KCTD16: variants seen among roughly 807,000 people sequenced by gnomAD.
KCTD16 encodes BTB/POZ domain-containing protein KCTD16.
In KCTD16, 13 loss-of-function variants were observed where a neutral mutation model predicts 33.2. The observed-to-expected ratio is 0.39, with a 90% CI of 0.25 to 0.62. The LOEUF (loss-of-function observed/expected upper bound fraction) is 0.62. KCTD16 is among the 20% of genes least tolerant of loss of function. The probability of loss-of-function intolerance (pLI) is 0.50; values close to 1 mark genes in which losing one functional copy is unlikely to be tolerated. For missense variants in KCTD16, 441 were observed against 525.1 expected, an observed-to-expected ratio of 0.84 and a Z score of 1.57; for synonymous variants, 197 against 195.3, an observed-to-expected ratio of 1.01 and a Z score of -0.07.
rs1013368305 is a variant in KCTD16, at chr5:144,444,855, A to ATG, written c.833-28796_833-28795dup. ...TTCAAAATGTAATATATATATATATATGTGTGTGTGCATGTATATATAAAT... is the reference window on the plus strand; with the variant it reads ...TTCAAAATGTAATATATATATATATATGTGTGTGTGTGCATGTATATATAAAT... On this transcript the variant is annotated intron_variant, in intron 3 of 3. Coordinates refer to ENST00000512467, the MANE Select transcript of KCTD16 (RefSeq NM_020768.4). Among the ~76,000 whole-genome samples the ATG allele has an allele frequency of 3.5e-4, 52 of 149,978 alleles. 1 individual carries two copies. Among genetic ancestry groups the ATG allele is most frequent in the Middle Eastern group, 7.1e-3 (2 of 282 alleles).
At chr5:144,374,611 G>A (rs1752044193) in intron 3 of KCTD16, among the ~76,000 whole-genome samples, 1 of 152,152 alleles carries the variant, frequency 6.6e-6, no homozygotes, top group African/African-American at 2.4e-5. Flanking sequence ...ATTACTAATA[G>A]AGGTAGTGTT....
chr5:144,261,167 C>CAAAAAA (rs1299878040), intron 3 of KCTD16, among the ~76,000 whole-genome samples: 363 of 77,600 alleles, frequency 4.7e-3, no homozygotes, highest in Non-Finnish European at 6.0e-3. Context: ...GGAACAACAA[C>CAAAAAA]AAAAAAAAAA....
intron 3 of KCTD16, among the ~76,000 whole-genome samples, chr5:144,310,178 C>T (rs896521436): frequency 6.6e-6 from 1 of 152,106 alleles, no homozygotes; most frequent in African/African-American, 2.4e-5. Flanking sequence ...TGGCTTATTT[C>T]ACTTAACATA....
rs1425472849 is a variant in KCTD16, at chr5:144,324,925, G to A, written c.832+117379G>A. ...GGAACAACACACACTGGGACCTGTG[G>A]CAGGGGTGAAGGGAGGGAGAGCATC... On this transcript the variant is annotated intron_variant, in intron 3 of 3. Coordinates refer to ENST00000512467, the MANE Select transcript of KCTD16 (RefSeq NM_020768.4). 3.3e-5 allele frequency among the ~76,000 whole-genome samples: 5 copies of A among 152,282 alleles called. No individual in the cohort carries two copies. The East Asian group carries it at 9.7e-4, about 29-fold the overall frequency.
chr5:144,246,720 C>A (rs540190337), intron 3 of KCTD16, among the ~76,000 whole-genome samples: 1 of 152,078 alleles, frequency 6.6e-6, no homozygotes, highest in African/African-American at 2.4e-5. Flanking sequence ...TAAAATCAAG[C>A]CTTTATTGAT....
intron 3 of KCTD16, among the ~76,000 whole-genome samples, chr5:144,435,594 T>C (rs1238399311): frequency 6.6e-6 from 1 of 152,238 alleles, no homozygotes; most frequent in Non-Finnish European, 1.5e-5. Flanking sequence ...CTTGCACATA[T>C]ACTATTCTAT....
At chr5:144,443,694 G>A (rs1009540919) in intron 3 of KCTD16, among the ~76,000 whole-genome samples, 1 of 151,936 alleles carries the variant, frequency 6.6e-6, no homozygotes, top group Non-Finnish European at 1.5e-5. Context: ...ATATTTGATG[G>A]CTTAAATCTA....
intron 3 of KCTD16, among the ~76,000 whole-genome samples, chr5:144,229,702 A>G (rs1001084696): frequency 2.0e-5 from 3 of 152,194 alleles, no homozygotes; most frequent in African/African-American, 4.8e-5. Flanking sequence ...TCTCTTACCC[A>G]CTGTGCATAA....
chr5:144,417,799 C>T (rs1333289113), intron 3 of KCTD16, among the ~76,000 whole-genome samples: 1 of 152,062 alleles, frequency 6.6e-6, no homozygotes, highest in Non-Finnish European at 1.5e-5. Context: ...GCTCCAACTT[C>T]GTTCTTCTGC....
At chr5:144,179,306 C>A (rs1752570287) in intron 2 of KCTD16, among the ~76,000 whole-genome samples, 1 of 152,124 alleles carries the variant, frequency 6.6e-6, no homozygotes, top group South Asian at 2.1e-4. Flanking sequence ...AGTGGTTTTG[C>A]CTTCTTATGA....
intron 2 of KCTD16, among the ~76,000 whole-genome samples, chr5:144,192,715 C>T (rs1346494504): frequency 3.3e-5 from 5 of 152,128 alleles, no homozygotes; most frequent in African/African-American, 1.2e-4. Context: ...AAACCAGCAC[C>T]ACTTTCTATG....
At chr5:144,393,968 T>C (rs1177489090) in intron 3 of KCTD16, among the ~76,000 whole-genome samples, 16 of 147,186 alleles carry the variant, frequency 1.1e-4, no homozygotes, top group Admixed American at 8.1e-4. Flanking sequence ...TTTTTCTTTT[T>C]TTTTTTTTTT....
At chr5:144,250,984 C>A (rs1341505040) in intron 3 of KCTD16, among the ~76,000 whole-genome samples, 1 of 152,012 alleles carries the variant, frequency 6.6e-6, no homozygotes, top group African/African-American at 2.4e-5. Flanking sequence ...GTTATCTAGT[C>A]TCCTGCTCTC....
chr5:144,353,424 C>A (rs574580235), intron 3 of KCTD16, among the ~76,000 whole-genome samples: 3 of 152,148 alleles, frequency 2.0e-5, no homozygotes, highest in Non-Finnish European at 4.4e-5. Context: ...GGGTCAGATT[C>A]CTACCACTGC....
chr5:144,245,779 C>T (rs1223021512), intron 3 of KCTD16, among the ~76,000 whole-genome samples: 5 of 152,128 alleles, frequency 3.3e-5, no homozygotes, highest in Non-Finnish European at 5.9e-5. Context: ...CCTGCTTTGG[C>T]CACGTGAAGT....
At chr5:144,470,397 T>A (rs78055582) in intron 3 of KCTD16, among the ~76,000 whole-genome samples, 1,541 of 152,278 alleles carry the variant, frequency 0.01, 28 homozygotes, top group African/African-American at 0.036. Context: ...TCTTCTCACA[T>A]TTGATTATTT....
At chr5:144,296,024 G>A (rs1165838844) in intron 3 of KCTD16, among the ~76,000 whole-genome samples, 2 of 152,198 alleles carry the variant, frequency 1.3e-5, no homozygotes, top group African/African-American at 4.8e-5. Context: ...AAGCCACTAA[G>A]TTTGTGATAA....
chr5:144,419,113 T>C (rs1293632533), intron 3 of KCTD16, among the ~76,000 whole-genome samples: 1 of 152,192 alleles, frequency 6.6e-6, no homozygotes, highest in Non-Finnish European at 1.5e-5. Flanking sequence ...AATACTACTC[T>C]TACGATCTTG....
At chr5:144,453,743 GAAGT>G (rs1561613736) in intron 3 of KCTD16, among the ~76,000 whole-genome samples, 1 of 152,132 alleles carries the variant, frequency 6.6e-6, no homozygotes, top group East Asian at 1.9e-4. Context: ...GCTAGTGAAA[GAAGT>G]ATTTTTTTTG....
Sources: gnomAD v4.1 joint callset for allele counts (sites outside exome capture counted in the v4.1 genomes callset) on GRCh38, gnomAD v4.1.1 for gene constraint, MANE v1.5 for transcripts, NCBI Gene and HGNC (gene_info 2026-07-23, HGNC 2026-07-21) for gene names.